The following KLHL29 variants were observed in gnomAD, a reference collection of about 807,000 sequenced individuals.
KLHL29 encodes the protein kelch-like protein 29.
A neutral mutation model predicts 80.4 loss-of-function variants in KLHL29; 21 were observed. The observed-to-expected ratio is 0.26, with a 90% confidence interval of 0.19 to 0.38. KLHL29 has a LOEUF of 0.38. Among genes scored for constraint, KLHL29 ranks in the 10% least tolerant of loss-of-function variants. The pLI, the probability that KLHL29 is intolerant of heterozygous loss-of-function variation, is 1.00. For synonymous variants in KLHL29, 511 were observed against 526.8 expected (o/e 0.97, Z 0.41); for missense variants, 867 against 1,223.9 (o/e 0.71, Z 4.35).
At chr2:23,535,440 G>A (rs1666632193) in intron 2 of KLHL29, among the ~76,000 whole-genome samples, 1 of 152,254 alleles carries the variant, frequency 6.6e-6, no homozygotes, top group Non-Finnish European at 1.5e-5. Context: ...ACAGATATTT[G>A]TATACCCATG....
intron 5 of KLHL29, among the ~76,000 whole-genome samples, chr2:23,661,987 C>A (rs1401247901): frequency 6.6e-6 from 1 of 152,198 alleles, no homozygotes; most frequent in African/African-American, 2.4e-5. Context: ...GCTCAGTAAA[C>A]ACTTTTTGAG....
intron 2 of KLHL29, among the ~76,000 whole-genome samples, chr2:23,517,498 G>A (rs767847015): frequency 3.9e-5 from 6 of 152,212 alleles, no homozygotes; most frequent in South Asian, 4.1e-4. Flanking sequence ...AGCCGAGATC[G>A]TGCCACTGCA....
chr2:23,386,420 C>T (rs1666184197), intron 1 of KLHL29, among the ~76,000 whole-genome samples: 1 of 152,202 alleles, frequency 6.6e-6, no homozygotes. Flanking sequence ...TTGTGACCCA[C>T]CCCACCCCGA....
intron 2 of KLHL29, among the ~76,000 whole-genome samples, chr2:23,544,451 T>C (rs542640434): frequency 7.2e-5 from 11 of 152,314 alleles, no homozygotes; most frequent in East Asian, 1.9e-4. Flanking sequence ...ATCTGGAAGA[T>C]GGAGATAGCC....
At position 23,439,352 on chromosome 2, in the gene KLHL29, G is replaced by C. The variant is rs531708276; in HGVS notation, c.-153-36208G>C. ...TTTAGTTGTTTCTTGCCTTCTGCTAGCTTTTGAATGCGTTTGCTCTTGCTT... is the reference window on the plus strand; with the variant it reads ...TTTAGTTGTTTCTTGCCTTCTGCTACCTTTTGAATGCGTTTGCTCTTGCTT... On this transcript the variant is annotated intron_variant, in intron 1 of 13. Transcript: ENST00000486442. 2.5e-3 allele frequency among the ~76,000 whole-genome samples: 376 copies of C among 152,156 alleles called. 1 individual carries two copies. The highest frequency in any genetic ancestry group is 2.3e-3 in the Non-Finnish European group (156 of 68,028).
At chr2:23,654,277 A>C (rs1326602317) in intron 5 of KLHL29, among the ~76,000 whole-genome samples, 1 of 152,108 alleles carries the variant, frequency 6.6e-6, no homozygotes, top group African/African-American at 2.4e-5. Flanking sequence ...CGAGAGCCAG[A>C]ACCTGGCCCA....
intron 3 of KLHL29, among the ~76,000 whole-genome samples, chr2:23,564,015 C>T (rs1000393236): frequency 6.6e-6 from 1 of 152,268 alleles, no homozygotes; most frequent in South Asian, 2.1e-4. Context: ...CCACATCTGG[C>T]AGGCGCTCTG....
chr2:23,693,153 C>T lies in KLHL29; in HGVS notation c.1283-116C>T, dbSNP rs1037008165. On this transcript the variant is annotated intron_variant, in intron 7 of 13. Transcript: ENST00000486442. ...GGGCCTGCAGGGACTCTGGACACTGCAGTCAGGGTCCCCCGGGATGTGGGT... is the reference window on the plus strand; with the variant it reads ...GGGCCTGCAGGGACTCTGGACACTGTAGTCAGGGTCCCCCGGGATGTGGGT... 4.4e-6 allele frequency: 5 copies of T among 1,125,738 alleles called. No homozygotes were observed. In the African/African-American group the frequency reaches 1.6e-4, roughly 37 times the overall value. 69.7% of individuals were successfully genotyped at this position (1,125,738 alleles called of 1,614,324 possible).
chr2:23,390,796 C>T (rs372179720), intron 1 of KLHL29, among the ~76,000 whole-genome samples: 5 of 151,904 alleles, frequency 3.3e-5, no homozygotes, highest in South Asian at 2.1e-4. Context: ...GGATTACAGG[C>T]GCCTGCCACC....
intron 1 of KLHL29, among the ~76,000 whole-genome samples, chr2:23,418,938 A>G (rs1176833343): frequency 1.2e-4 from 18 of 152,170 alleles, no homozygotes; most frequent in Non-Finnish European, 2.9e-5. Flanking sequence ...ACAAGGTGCC[A>G]GATGGCACTT....
chr2:23,431,859 G>A (rs992730600), intron 1 of KLHL29, among the ~76,000 whole-genome samples: 8 of 136,260 alleles, frequency 5.9e-5, no homozygotes, highest in African/African-American at 1.7e-4. Flanking sequence ...CCGAGATTGC[G>A]CCACTGTACT....
intron 1 of KLHL29, among the ~76,000 whole-genome samples, chr2:23,414,385 A>G (rs1355171715): frequency 6.6e-6 from 1 of 152,216 alleles, no homozygotes; most frequent in African/African-American, 2.4e-5. Context: ...TGTGGGAGAA[A>G]GAGATGTCTC....
intron 1 of KLHL29, among the ~76,000 whole-genome samples, chr2:23,431,427 G>A (rs1247016292): frequency 1.3e-5 from 2 of 152,218 alleles, no homozygotes; most frequent in East Asian, 3.8e-4. Flanking sequence ...AATGGGGAAA[G>A]AATAATTATT....
intron 2 of KLHL29, among the ~76,000 whole-genome samples, chr2:23,549,287 A>G (rs1333863966): frequency 6.6e-6 from 1 of 152,190 alleles, no homozygotes; most frequent in Non-Finnish European, 1.5e-5. Flanking sequence ...TGGTTAATCT[A>G]AAAATAAACA....
intron 1 of KLHL29, among the ~76,000 whole-genome samples, chr2:23,464,554 C>T (rs1313865377): frequency 6.6e-6 from 1 of 152,206 alleles, no homozygotes; most frequent in African/African-American, 2.4e-5. Context: ...CCTGCCTAAG[C>T]TTTCTGAACC....
At chr2:23,687,583 C>A (rs1361134347) in intron 6 of KLHL29, among the ~76,000 whole-genome samples, 1 of 152,230 alleles carries the variant, frequency 6.6e-6, no homozygotes, top group Non-Finnish European at 1.5e-5. Flanking sequence ...GGACACGCTG[C>A]AGACAGGCAA....
chr2:23,500,264 C>T (rs897164808), intron 2 of KLHL29, among the ~76,000 whole-genome samples: 1 of 152,134 alleles, frequency 6.6e-6, no homozygotes, highest in Non-Finnish European at 1.5e-5. Flanking sequence ...AAGAGGGAGA[C>T]TTGACTGCGC....
At position 23,622,793 on chromosome 2, in the gene KLHL29, C is replaced by T. The variant is rs562767030; in HGVS notation, c.286-16346C>T. On this transcript the variant is annotated intron_variant, in intron 3 of 13. Transcript: ENST00000486442. ...TTCCACATATAGCACCCACGTGTTCCAGGCATGGTTCTAAGTCCTTTGCAC... is the reference window on the plus strand; with the variant it reads ...TTCCACATATAGCACCCACGTGTTCTAGGCATGGTTCTAAGTCCTTTGCAC... 3.3e-5 allele frequency among the ~76,000 whole-genome samples: 5 copies of T among 152,354 alleles called. No individual in the cohort carries two copies. In the South Asian group the frequency reaches 8.3e-4, roughly 25 times the overall value.
Position 23,647,515 on chromosome 2 carries a change from G to T in KLHL29, c.940+4665G>T, listed in dbSNP as rs142458311. On this transcript the variant is annotated intron_variant, in intron 5 of 13. Transcript: ENST00000486442. This position sits in a 1 kb window ranked among gnomAD's most constrained non-coding sequence, Gnocchi z 4.9. ...AAGTCTGAAAACTCAATCGATTCAG[G>T]TTTCTACATATGTCCTCTGCTCTTC... Among the ~76,000 whole-genome samples, 1 of 152,236 alleles carries T rather than the reference G, an allele frequency of 6.6e-6. No homozygotes were observed. The highest frequency in any genetic ancestry group is 1.9e-4 in the East Asian group (1 of 5,180).
Sources: gnomAD v4.1 joint callset for allele counts (sites outside exome capture counted in the v4.1 genomes callset) on GRCh38, gnomAD v4.1.1 for gene constraint, Gnocchi (gnomAD v3.1) non-coding constraint, MANE v1.5 for transcripts, NCBI Gene and HGNC (gene_info 2026-07-23, HGNC 2026-07-21) for gene names.